Variants in CCDC32 observed in about 807,000 individuals in gnomAD.
CCDC32 encodes the protein coiled-coil domain containing 32.
A neutral mutation model predicts 20.1 loss-of-function variants in CCDC32; 9 were observed. That is an observed-to-expected ratio of 0.45 (90% CI 0.27 to 0.78). CCDC32 has a LOEUF of 0.78. Ranked by LOEUF, CCDC32 falls within the 30% of genes least tolerant of loss-of-function variation. The probability of loss-of-function intolerance (pLI) is 0.16; values close to 1 mark genes in which losing one functional copy is unlikely to be tolerated. For missense variants in CCDC32, 204 were observed against 215.5 expected (o/e 0.95, Z 0.33); for synonymous variants, 63 against 79.0 (o/e 0.80, Z 1.07).
intron 1 of CCDC32, among the ~76,000 whole-genome samples, chr15:40,564,384 A>C (rs1311565751): frequency 2.0e-5 from 3 of 152,182 alleles, no homozygotes; most frequent in Non-Finnish European, 4.4e-5. Flanking sequence ...TATGTGGGGA[A>C]TCCTTGACAG....
intron 1 of CCDC32, among the ~76,000 whole-genome samples, chr15:40,564,065 C>A (rs1397996090): frequency 6.6e-6 from 1 of 152,168 alleles, no homozygotes; most frequent in African/African-American, 2.4e-5. Context: ...TGTGATCCGC[C>A]CGCCTCGGCC....
chr15:40,563,006 A>T lies in CCDC32; in HGVS notation c.10T>A (p.Phe4Ile), dbSNP rs780383111. The T allele has an allele frequency of 3.1e-6, 5 of 1,614,080 alleles. No homozygotes were observed. Among genetic ancestry groups the T allele is most frequent in the Non-Finnish European group, 3.4e-6 (4 of 1,180,014 alleles). Reference protein sequence around the residue: MKMFESADSTATRS... With the variant: MKMIESADSTATRS... ...GTGGCTGTAGAGTCAGCGCTCTCAA[A>T]CATTTTCATTTGGAATCTGAGCTAT... is the stretch of plus-strand genomic sequence containing the variant. Residue 4 changes from phenylalanine to isoleucine, a missense_variant, in exon 2 of 4, where the codon TTT (phenylalanine) becomes ATT (isoleucine). Transcript: ENST00000416810.
intron 3 of CCDC32, chr15:40,529,657 TG>T (rs1345133281): frequency 3.6e-5 from 5 of 139,202 alleles, no homozygotes; most frequent in Non-Finnish European, 6.1e-5. Context: ...ATGGTTTGGA[TG>T]GTTTTTTTTT....
At chr15:40,537,278 A>G (rs542327138), downstream of CCDC32, 1 of 152,696 alleles carries the variant, frequency 6.5e-6, no homozygotes, top group East Asian at 1.9e-4. Context: ...GGGGGATCAC[A>G]GAGGAATCAA....
downstream of CCDC32, among the ~76,000 whole-genome samples, chr15:40,528,220 C>G (rs541276973): frequency 6.6e-6 from 1 of 152,362 alleles, no homozygotes; most frequent in African/African-American, 2.4e-5. Context: ...CGTTCACACA[C>G]TTGGTCTTCT....
At chr15:40,554,326 C>T (rs1267403125) in intron 3 of CCDC32, among the ~76,000 whole-genome samples, 199 bp from the exon 4 acceptor site, 1 of 152,100 alleles carries the variant, frequency 6.6e-6, no homozygotes, top group Admixed American at 6.6e-5. Context: ...CATAATTTAC[C>T]CCATAGTGGG....
chr15:40,552,559 T>C (rs1889936019), downstream of CCDC32, among the ~76,000 whole-genome samples: 1 of 150,876 alleles, frequency 6.6e-6, no homozygotes, highest in Non-Finnish European at 1.5e-5. Context: ...AGCAAGTATA[T>C]GGAACCACCT....
At chr15:40,545,234 C>T (rs1282017414) in intron 3 of CCDC32, among the ~76,000 whole-genome samples, 1 of 152,118 alleles carries the variant, frequency 6.6e-6, no homozygotes, top group Non-Finnish European at 1.5e-5. Context: ...TGGTCTCATC[C>T]CCAAAGGATG....
downstream of CCDC32, among the ~76,000 whole-genome samples, chr15:40,524,739 C>CTTTTTTTTTTTTTTTTTTTT (rs758786719): frequency 6.3e-5 from 6 of 95,198 alleles, no homozygotes; most frequent in Middle Eastern, 5.7e-3. Flanking sequence ...CTTTTTCTTT[C>CTTTTTTTTTTTTTTTTTTTT]TTTTTTTTTT....
At chr15:40,539,069 T>C (rs1008866311), downstream of CCDC32, 22 of 615,956 alleles carry the variant, frequency 3.6e-5, no homozygotes, top group Admixed American at 5.7e-5. Flanking sequence ...GCTGTCCCAC[T>C]TCTCAGCTTC....
At chr15:40,556,125 T>C (rs1890221214) in intron 3 of CCDC32, among the ~76,000 whole-genome samples, 2 of 152,248 alleles carry the variant, frequency 1.3e-5, no homozygotes, top group Non-Finnish European at 1.5e-5. Context: ...AACCAGTAAG[T>C]GGCAGAGCCG....
chr15:40,562,880 A>T lies in CCDC32; in HGVS notation c.136T>A (p.Ser46Thr), dbSNP rs1890745556. The T allele has an allele frequency of 1.2e-6, 2 of 1,614,204 alleles. No individual in the cohort carries two copies. The highest frequency in any genetic ancestry group is 4.5e-5 in the East Asian group (2 of 44,882). The change falls in exon 2 of 4, where the codon TCT (serine) becomes ACT (threonine). Residue 46 changes from serine to threonine, a missense_variant. Ser to Thr is a moderately conservative substitution (Grantham distance 58, BLOSUM62 1). Transcript: ENST00000416810. ...NNAFSDSFVD[S>T]CPEGEGQREV... ...CTCTGGCCTTCACCTTCAGGGCAAGAATCCACAAAGGAGTCTGAGAATGCA... is the reference window on the plus strand; with the variant it reads ...CTCTGGCCTTCACCTTCAGGGCAAGTATCCACAAAGGAGTCTGAGAATGCA...
downstream of CCDC32, among the ~76,000 whole-genome samples, chr15:40,524,308 C>T (rs1441029336): frequency 1.3e-5 from 2 of 151,918 alleles, no homozygotes; most frequent in Non-Finnish European, 2.9e-5. Context: ...AGGCACCCGC[C>T]ACCACGCCCA....
chr15:40,538,275 A>G (rs753702717), downstream of CCDC32: 5 of 152,134 alleles, frequency 3.3e-5, no homozygotes, highest in African/African-American at 9.7e-5. Flanking sequence ...TTCTGAGGCT[A>G]TGGTCTTGTT....
chr15:40,553,878 C>T lies in CCDC32; in HGVS notation c.*93G>A, dbSNP rs1001687438. The T allele has an allele frequency of 1.5e-5, 21 of 1,432,438 alleles. No homozygotes were observed. Among genetic ancestry groups the T allele is most frequent in the African/African-American group, 9.9e-5 (7 of 70,942 alleles). The allele number at this position is 1,432,438 out of a possible 1,614,324, so 88.7% of individuals were successfully genotyped here. ...TGCTGTCACTGAGCTCCACGCTGCTCGCTCTGGACCCGAGACAGCTGCTCG... is the reference window on the plus strand; with the variant it reads ...TGCTGTCACTGAGCTCCACGCTGCTTGCTCTGGACCCGAGACAGCTGCTCG... On this transcript the variant is annotated 3_prime_UTR_variant, in exon 4 of 4. Transcript: ENST00000416810.
chr15:40,539,247 C>T (rs1379723169), exon 4 of CCDC32: 1 of 1,535,466 alleles, frequency 6.5e-7, no homozygotes, highest in Non-Finnish European at 8.7e-7. Context: ...ACCATGACGA[C>T]TGCTGGGCTG....
At chr15:40,564,450 T>C (rs974101185) in intron 1 of CCDC32, among the ~76,000 whole-genome samples, 3 of 152,098 alleles carry the variant, frequency 2.0e-5, no homozygotes, top group Admixed American at 6.5e-5. Context: ...ACCATCCTGC[T>C]TGTTTGGAAA....
At chr15:40,536,057 T>TTCCCCAG (rs1487137578), downstream of CCDC32, 1 of 152,274 alleles carries the variant, frequency 6.6e-6, no homozygotes, top group African/African-American at 2.4e-5. Flanking sequence ...GCTTCAGCCC[T>TTCCCCAG]TCCCCAGTCT....
downstream of CCDC32, chr15:40,532,183 C>A: frequency 1.6e-6 from 1 of 635,240 alleles, no homozygotes; most frequent in East Asian, 2.8e-5. Context: ...TTATTATACA[C>A]AGGATCTGGT....
Sources: allele counts gnomAD v4.1 joint callset (sites outside exome capture counted in the v4.1 genomes callset), GRCh38; gene constraint gnomAD v4.1.1; transcripts MANE v1.5; gene names NCBI Gene and HGNC (gene_info 2026-07-23, HGNC 2026-07-21).